The following CSMD3 variants were observed in gnomAD, a reference collection of about 807,000 sequenced individuals.
CSMD3 encodes the protein CUB and sushi domain-containing protein 3.
Under a neutral mutation model 435.2 loss-of-function variants are expected in CSMD3, and 177 were observed. The observed-to-expected ratio is 0.41, with a 90% CI of 0.36 to 0.46. The LOEUF is 0.46. Among genes scored for constraint, CSMD3 ranks in the 20% least tolerant of loss-of-function variants. The pLI is 0.34. For synonymous variants in CSMD3, 1,656 were observed against 1,520.5 expected (o/e 1.09, Z -2.07); for missense variants, 4,265 against 4,504.6 (o/e 0.95, Z 1.52).
chr8:112,743,305 AAAAT>A (rs1325927201), intron 13 of CSMD3, among the ~76,000 whole-genome samples: 2 of 150,186 alleles, frequency 1.3e-5, no homozygotes, highest in African/African-American at 2.4e-5. Flanking sequence ...CCAAAAAAAA[AAAAT>A]AAATAAATAA....
At chr8:112,630,494 G>T (rs571315147) in intron 22 of CSMD3, among the ~76,000 whole-genome samples, 2 of 152,200 alleles carry the variant, frequency 1.3e-5, no homozygotes, top group East Asian at 1.9e-4. Context: ...TATGTGAAGT[G>T]AAATATTTAC....
At chr8:112,614,536 C>T (rs929994591) in intron 22 of CSMD3, among the ~76,000 whole-genome samples, 4 of 152,068 alleles carry the variant, frequency 2.6e-5, no homozygotes, top group South Asian at 2.1e-4. Context: ...CTCCCAGGGC[C>T]GTTTCCCCAA....
intron 22 of CSMD3, among the ~76,000 whole-genome samples, chr8:112,598,320 A>C (rs1831958696): frequency 6.6e-6 from 1 of 150,658 alleles, no homozygotes; most frequent in Non-Finnish European, 1.5e-5. Flanking sequence ...AGGGATGGGA[A>C]GGACCTCTTC....
At chr8:112,790,333 A>C (rs1357567499) in intron 13 of CSMD3, among the ~76,000 whole-genome samples, 8 of 151,994 alleles carry the variant, frequency 5.3e-5, no homozygotes, top group Admixed American at 4.6e-4. Context: ...TACTCTAATT[A>C]AGTTTTGGAA....
At chr8:112,956,657 C>G (rs138045244) in intron 7 of CSMD3, among the ~76,000 whole-genome samples, 1 of 152,114 alleles carries the variant, frequency 6.6e-6, no homozygotes, top group East Asian at 1.9e-4. Flanking sequence ...TAAAATCCTA[C>G]GGATCAAAGA....
chr8:112,910,930 A>T (rs2082394227), intron 10 of CSMD3, among the ~76,000 whole-genome samples: 1 of 151,916 alleles, frequency 6.6e-6, no homozygotes, highest in South Asian at 2.1e-4. Flanking sequence ...AGCATTTCAC[A>T]ATGTTGATCA....
intron 3 of CSMD3, among the ~76,000 whole-genome samples, chr8:113,270,986 A>T (rs1216307107): frequency 5.4e-4 from 9 of 16,544 alleles, no homozygotes; most frequent in Admixed American, 1.3e-3. Flanking sequence ...CAAAAAGCAT[A>T]AAAAAAAAAA....
intron 45 of CSMD3, among the ~76,000 whole-genome samples, chr8:112,322,441 C>G (rs144999210): frequency 1.5e-3 from 226 of 152,100 alleles, no homozygotes; most frequent in African/African-American, 5.1e-3. Flanking sequence ...AAATGTGTCC[C>G]TAGAAGCTAA....
intron 23 of CSMD3, among the ~76,000 whole-genome samples, chr8:112,580,589 C>A (rs1830271045): frequency 6.6e-6 from 1 of 151,110 alleles, no homozygotes; most frequent in South Asian, 2.1e-4. Flanking sequence ...GATCCTGAGC[C>A]AGCCACATGG....
intron 1 of CSMD3, among the ~76,000 whole-genome samples, chr8:113,434,950 A>T (rs1051473162): frequency 6.6e-6 from 1 of 152,102 alleles, no homozygotes; most frequent in African/African-American, 2.4e-5. Context: ...AACCCTGGTC[A>T]TCTTCTCACA....
rs890121090 is a variant in CSMD3, at chr8:112,794,363, G to A, written c.1972+5799C>T. 2.2e-5 allele frequency among the ~76,000 whole-genome samples: 3 copies of A among 136,714 alleles called. No individual in the cohort carries two copies. The South Asian group carries it at 6.8e-4, about 31-fold the overall frequency. The allele number at this position is 136,714 out of a possible 152,430, so 89.7% of individuals were successfully genotyped here. ...GGTTAGAGGGCAGCGGCGCGGTCTC[G>A]TCTCACTGCATCCTCCACCTTCCCA... On this transcript the variant is annotated intron_variant, in intron 13 of 70. Transcript: ENST00000297405.
chr8:113,359,447 T>C (rs1001870360), intron 1 of CSMD3, among the ~76,000 whole-genome samples: 2 of 152,186 alleles, frequency 1.3e-5, no homozygotes, highest in East Asian at 1.9e-4. Flanking sequence ...AGATGTCTGC[T>C]GAGGAAACAG....
At chr8:113,307,553 A>C (rs951012996) in intron 2 of CSMD3, among the ~76,000 whole-genome samples, 16 of 152,296 alleles carry the variant, frequency 1.1e-4, no homozygotes, top group African/African-American at 3.8e-4. Flanking sequence ...AGAAACCTTA[A>C]CTCATGCAAA....
At chr8:112,802,534 G>T (rs2078983742) in intron 12 of CSMD3, among the ~76,000 whole-genome samples, 1 of 151,876 alleles carries the variant, frequency 6.6e-6, no homozygotes. Flanking sequence ...AATCTCCTTA[G>T]CAGATTTCCT....
intron 9 of CSMD3, among the ~76,000 whole-genome samples, chr8:112,940,636 C>A (rs955733031): frequency 6.6e-6 from 1 of 151,698 alleles, no homozygotes; most frequent in Non-Finnish European, 1.5e-5. Flanking sequence ...AGAAACAAAG[C>A]TTTTAAGATT....
chr8:113,333,541 G>A (rs1359254957), intron 1 of CSMD3, among the ~76,000 whole-genome samples: 2 of 151,636 alleles, frequency 1.3e-5, no homozygotes, highest in Admixed American at 6.6e-5. Context: ...CTACATTTCC[G>A]TAAATGAAAT....
intron 5 of CSMD3, among the ~76,000 whole-genome samples, chr8:113,052,235 A>G (rs1272347848): frequency 6.6e-6 from 1 of 152,178 alleles, no homozygotes; most frequent in Non-Finnish European, 1.5e-5. Flanking sequence ...AATTCTGACC[A>G]AAGGAGAAGT....
intron 22 of CSMD3, among the ~76,000 whole-genome samples, chr8:112,612,709 C>CTTTTTTTTTTTTTTT (rs532290154): frequency 3.9e-4 from 26 of 65,888 alleles, no homozygotes; most frequent in Non-Finnish European, 5.5e-4. Flanking sequence ...TTTCTTTGTT[C>CTTTTTTTTTTTTTTT]TTTTTTTTTT....
chr8:112,427,419 G>T (rs1321614224), intron 32 of CSMD3, among the ~76,000 whole-genome samples: 1 of 152,020 alleles, frequency 6.6e-6, no homozygotes, highest in Non-Finnish European at 1.5e-5. Context: ...TTCATAAGGG[G>T]TTTACTGCCC....
Sources: gnomAD v4.1 joint callset for allele counts (sites outside exome capture counted in the v4.1 genomes callset) on GRCh38, gnomAD v4.1.1 for gene constraint, MANE v1.5 for transcripts, NCBI Gene and HGNC (gene_info 2026-07-23, HGNC 2026-07-21) for gene names.